GABPB1: variants seen among roughly 807,000 people sequenced by gnomAD.
GABPB1 encodes GA-binding protein subunit beta-1.
Under a neutral mutation model 45.9 loss-of-function variants are expected in GABPB1, and 15 were observed. The observed-to-expected ratio is 0.33, with a 90% CI of 0.22 to 0.50. The LOEUF (loss-of-function observed/expected upper bound fraction) is 0.50, where lower values mean the gene tolerates loss of function less well. GABPB1 is among the 20% of genes least tolerant of loss of function. The probability of loss-of-function intolerance (pLI) is 0.98; values close to 1 mark genes in which losing one functional copy is unlikely to be tolerated. For missense variants in GABPB1, 252 were observed against 457.5 expected (o/e 0.55, Z 4.10); for synonymous variants, 143 against 154.4 (o/e 0.93, Z 0.55).
chr15:50,282,123 C>CA (rs2045995543), intron 8 of GABPB1, among the ~76,000 whole-genome samples: 3 of 152,160 alleles, frequency 2.0e-5, no homozygotes. Context: ...TGCTTGAGCC[C>CA]AGGGAGGTCA....
intron 8 of GABPB1, chr15:50,285,839 CA>C: frequency 1.5e-6 from 2 of 1,305,410 alleles, no homozygotes; most frequent in Non-Finnish European, 1.9e-6. Context: ...CCAGTGTTAT[CA>C]AGATGACAGA....
chr15:50,285,114 T>G (rs533727955), intron 8 of GABPB1, among the ~76,000 whole-genome samples: 3 of 152,158 alleles, frequency 2.0e-5, no homozygotes, highest in Non-Finnish European at 4.4e-5. Flanking sequence ...TTTAAAAATC[T>G]CCTTTCTATA....
Position 50,278,676 on chromosome 15 carries a change from A to G in GABPB1, c.1108T>C (p.Leu370=). The change falls in exon 9 of 9, where the codon TTG becomes CTG. Residue 370 remains leucine (L), a synonymous_variant. Transcript: ENST00000380877. ...EQEAEAYRQK[L]EAMTRLQTNK... ...GTCTGAAGACGAGTCATAGCTTCCA[A>G]CTTCTGTCTGTAGGCCTCTGCTTCC... The G allele has an allele frequency of 6.2e-7, 1 of 1,613,262 alleles. No individual in the cohort carries two copies. Among genetic ancestry groups the G allele is most frequent in the East Asian group, 2.2e-5 (1 of 44,824 alleles).
chr15:50,294,093 G>A (rs550085017), intron 6 of GABPB1, among the ~76,000 whole-genome samples: 8 of 152,084 alleles, frequency 5.3e-5, no homozygotes, highest in Non-Finnish European at 1.0e-4. Flanking sequence ...CACCTTTGAC[G>A]ACATCTGAGA....
chr15:50,349,658 A>C (rs1245392867), intron 1 of GABPB1: 1 of 152,368 alleles, frequency 6.6e-6, no homozygotes, highest in South Asian at 2.1e-4. Context: ...TACTTCTAGA[A>C]TAAGGAATCA....
chr15:50,282,682 A>G (rs2140968170), intron 8 of GABPB1, among the ~76,000 whole-genome samples: 1 of 152,290 alleles, frequency 6.6e-6, no homozygotes, highest in South Asian at 2.1e-4. Context: ...CATTTTATAA[A>G]GTTTACAGAA....
intron 6 of GABPB1, among the ~76,000 whole-genome samples, chr15:50,291,314 T>A (rs969575623): frequency 4.4e-5 from 6 of 137,512 alleles, no homozygotes; most frequent in African/African-American, 1.6e-4. Flanking sequence ...TGGATTACTA[T>A]CCATTGAATT....
chr15:50,277,854 T>C lies in GABPB1; in HGVS notation c.*778A>G, dbSNP rs892048904. Reference sequence around the variant, plus strand: ...GGCAAATTCAAGTTATCTTGTAGGCTGCTCCTTCCGAGAACACTGTCATTC... The same window carrying C: ...GGCAAATTCAAGTTATCTTGTAGGCCGCTCCTTCCGAGAACACTGTCATTC... On this transcript the variant is annotated 3_prime_UTR_variant, in exon 9 of 9. Coordinates refer to ENST00000380877, the MANE Select transcript of GABPB1 (RefSeq NM_016654.5). 3 of 152,634 alleles carry C rather than the reference T, an allele frequency of 2.0e-5. No individual in the cohort carries two copies. Among genetic ancestry groups the C allele is most frequent in the African/African-American group, 7.2e-5 (3 of 41,448 alleles). The allele number at this position is 152,634 out of a possible 1,614,324, so 9.5% of individuals were successfully genotyped here. A position where few individuals can be genotyped will look rare whatever the true frequency, so the allele number is the denominator to read the frequency against.
At chr15:50,333,555 G>T (rs1438115116) in intron 1 of GABPB1, among the ~76,000 whole-genome samples, 3 of 152,102 alleles carry the variant, frequency 2.0e-5, no homozygotes, top group African/African-American at 7.2e-5. Context: ...GAACACTGCT[G>T]CTTTAAATGA....
Position 50,337,075 on chromosome 15 carries a change from GTATATATATATATATATATATATA to G in GABPB1, c.-1+17886_-1+17909del, listed in dbSNP as rs869106382. Among the ~76,000 whole-genome samples, 23 of 14,200 alleles carry G rather than the reference GTATATATATATATATATATATATA, an allele frequency of 1.6e-3. 1 individual carries two copies. Among genetic ancestry groups the G allele is most frequent in the South Asian group, 4.8e-3 (2 of 414 alleles). 9.3% of individuals were successfully genotyped at this position (14,200 alleles called of 152,430 possible). A position where few individuals can be genotyped will look rare whatever the true frequency, so the allele number is the denominator to read the frequency against. The stretch of plus-strand genomic sequence containing the variant: ...GAAAAAATTACATGTATATGTGTGT[GTATATATATATATATATATATATA>G]TATATATATATATATATATATATAT... On this transcript the variant is annotated intron_variant, in intron 1 of 8. Coordinates refer to ENST00000380877, the MANE Select transcript of GABPB1 (RefSeq NM_016654.5).
chr15:50,342,087 C>T (rs991911124), intron 1 of GABPB1, among the ~76,000 whole-genome samples: 1 of 152,166 alleles, frequency 6.6e-6, no homozygotes, highest in African/African-American at 2.4e-5. Context: ...CAGCCTAAGA[C>T]GTCTTCCCCT....
At chr15:50,306,385 TTTG>T (rs1489117010) in intron 2 of GABPB1, among the ~76,000 whole-genome samples, 2 of 152,152 alleles carry the variant, frequency 1.3e-5, no homozygotes, top group Non-Finnish European at 2.9e-5. Flanking sequence ...ATCCCAACAC[TTTG>T]GGTGGCCAAG....
chr15:50,319,254 G>A (rs1249615477), intron 1 of GABPB1, among the ~76,000 whole-genome samples: 1 of 151,580 alleles, frequency 6.6e-6, no homozygotes, highest in Non-Finnish European at 1.5e-5. Context: ...TCAACTATGT[G>A]CACATATAAT....
At chr15:50,312,065 C>G (rs997362865) in intron 1 of GABPB1, among the ~76,000 whole-genome samples, 1 of 151,936 alleles carries the variant, frequency 6.6e-6, no homozygotes, top group Non-Finnish European at 1.5e-5. Context: ...TATATTATGG[C>G]AAGGCGCAGC....
chr15:50,350,136 T>A (rs761718456), intron 1 of GABPB1: 3 of 151,994 alleles, frequency 2.0e-5, no homozygotes, highest in Non-Finnish European at 2.9e-5. Context: ...TTAGGTTGTT[T>A]ACAATTTTAC....
chr15:50,316,248 C>T (rs2047323230), intron 1 of GABPB1, among the ~76,000 whole-genome samples: 1 of 152,098 alleles, frequency 6.6e-6, no homozygotes, highest in Admixed American at 6.6e-5. Context: ...AGATGGCCAT[C>T]TAGTGGTAAC....
At chr15:50,302,726 T>A (rs1217845592) in intron 4 of GABPB1, among the ~76,000 whole-genome samples, 3 of 150,248 alleles carry the variant, frequency 2.0e-5, no homozygotes, top group Non-Finnish European at 4.4e-5. Flanking sequence ...TTATCTAATG[T>A]TAATGAAGAG....
chr15:50,300,477 C>T (rs1380671050), intron 6 of GABPB1, among the ~76,000 whole-genome samples: 4 of 103,836 alleles, frequency 3.9e-5, no homozygotes, highest in African/African-American at 1.4e-4. Context: ...GAGTCTTGCT[C>T]TATCACCCAG....
intron 2 of GABPB1, among the ~76,000 whole-genome samples, chr15:50,308,260 G>A (rs1233556943): frequency 6.6e-6 from 1 of 152,202 alleles, no homozygotes; most frequent in Non-Finnish European, 1.5e-5. Context: ...CTTCTGTCAA[G>A]AGCCTGGGGT....
Sources: gnomAD v4.1 joint callset for allele counts (sites outside exome capture counted in the v4.1 genomes callset) on GRCh38, gnomAD v4.1.1 for gene constraint, MANE v1.5 for transcripts, NCBI Gene and HGNC (gene_info 2026-07-23, HGNC 2026-07-21) for gene names.